GRIP2: variants seen among roughly 807,000 people sequenced by gnomAD.
GRIP2 encodes the protein glutamate receptor-interacting protein 2.
A neutral mutation model predicts 108.3 loss-of-function variants in GRIP2; 58 were observed. The observed-to-expected ratio is 0.54, with a 90% confidence interval of 0.43 to 0.67. GRIP2 has a LOEUF of 0.67. Ranked by LOEUF, GRIP2 falls within the 30% of genes least tolerant of loss-of-function variation. The pLI, the probability that GRIP2 is intolerant of heterozygous loss-of-function variation, is 0.00. For synonymous variants in GRIP2, 586 were observed against 598.2 expected (o/e 0.98, Z 0.30); for missense variants, 1,278 against 1,430.6 (o/e 0.89, Z 1.72).
the GRIP2 span, among the ~76,000 whole-genome samples, chr3:14,596,633 G>A: frequency 1.3e-5 from 2 of 152,304 alleles, no homozygotes; most frequent in South Asian, 4.1e-4. Context: ...GGGAGAGAAA[G>A]GTGATATATG....
upstream of GRIP2, among the ~76,000 whole-genome samples, chr3:14,544,250 T>C (rs1180562091): frequency 3.3e-5 from 5 of 152,100 alleles, no homozygotes; most frequent in South Asian, 4.1e-4. Flanking sequence ...GGGCCAGGCC[T>C]GCAGGTCCCT....
intron 1 of GRIP2, among the ~76,000 whole-genome samples, chr3:14,526,439 G>A (rs1694556416): frequency 2.0e-5 from 3 of 152,158 alleles, no homozygotes; most frequent in Admixed American, 2.0e-4. Flanking sequence ...TGACCGAGAC[G>A]AAACTCAATC....
chr3:14,501,881 T>C (rs1693776303), intron 21 of GRIP2, among the ~76,000 whole-genome samples: 1 of 151,994 alleles, frequency 6.6e-6, no homozygotes, highest in African/African-American at 2.4e-5. Flanking sequence ...GCTACAAGAA[T>C]ACAAATAAAA....
chr3:14,558,094 G>A (rs567469505), upstream of GRIP2, among the ~76,000 whole-genome samples: 6 of 152,338 alleles, frequency 3.9e-5, no homozygotes, highest in East Asian at 5.8e-4. Context: ...AATCTGATGC[G>A]TTCCATGAAC....
At chr3:14,572,839 C>A in the GRIP2 span, 13 of 1,091,244 alleles carry the variant, frequency 1.2e-5, no homozygotes, top group East Asian at 3.3e-4. Flanking sequence ...CCCTGGAGCC[C>A]GCAGCCAGCT....
chr3:14,517,177 T>C lies in GRIP2; in HGVS notation c.1193A>G (p.Asn398Ser). The C allele has an allele frequency of 6.2e-7, 1 of 1,603,864 alleles. No homozygotes were observed. The highest frequency in any genetic ancestry group is 8.5e-7 in the Non-Finnish European group (1 of 1,175,852). Reference protein sequence around the residue: ...SSTPFSSPTLNHAFSCNNPST... With the variant: ...SSTPFSSPTLSHAFSCNNPST... ...GGGGTTGTTGCAGGAAAAGGCGTGG[T>C]TCAAGGTCGGCGAGGAAAAGGGAGT... Residue 398 changes from asparagine to serine, a missense_variant, in exon 11 of 24, where the codon AAC becomes AGC. Physicochemically the swap from Asn to Ser is conservative, Grantham distance 46. Transcript: ENST00000621039.
intron 13 of GRIP2, 149 bp from the exon 14 acceptor site, chr3:14,513,006 A>C (rs1694142218): frequency 1.4e-6 from 1 of 697,754 alleles, no homozygotes; most frequent in Non-Finnish European, 2.5e-6. Flanking sequence ...ACAGAGGAGG[A>C]AACTGAGGCA....
rs1212202875 is a variant in GRIP2, at chr3:14,523,707, A to G, written c.404-9T>C. 6.3e-7 allele frequency: 1 copy of G among 1,598,422 alleles called. No homozygotes were observed. The highest frequency in any genetic ancestry group is 1.7e-5 in the Admixed American group (1 of 59,062). ...GGGGTTATTCTCAGGAGCTGGGGAGAAATGGAGGACTCCTTTGAGTCCCTC... is the reference window on the plus strand; with the variant it reads ...GGGGTTATTCTCAGGAGCTGGGGAGGAATGGAGGACTCCTTTGAGTCCCTC... On this transcript the variant is annotated splice_polypyrimidine_tract_variant and intron_variant, in intron 4 of 23. Coordinates refer to ENST00000621039, the MANE Select transcript of GRIP2 (RefSeq NM_001080423.4).
At chr3:14,596,742 C>A in the GRIP2 span, among the ~76,000 whole-genome samples, 1 of 151,950 alleles carries the variant, frequency 6.6e-6, no homozygotes, top group African/African-American at 2.4e-5. Flanking sequence ...TTAGGGAAGG[C>A]TTCTCTGAGG....
At chr3:14,544,534 A>G (rs1335657983), upstream of GRIP2, among the ~76,000 whole-genome samples, 1 of 152,156 alleles carries the variant, frequency 6.6e-6, no homozygotes, top group African/African-American at 2.4e-5. Context: ...GTCATAACAC[A>G]GGCGAGCCTT....
upstream of GRIP2, among the ~76,000 whole-genome samples, chr3:14,557,663 C>T (rs1234300316): frequency 6.6e-6 from 1 of 152,232 alleles, no homozygotes; most frequent in South Asian, 2.1e-4. Context: ...CTGAGGACAG[C>T]GTGAGGGCTG....
rs1442488155 is a variant in GRIP2 at position 14,517,087 on chromosome 3, C to T, written c.1283G>A (p.Arg428Gln). The change falls in exon 11 of 24, where the codon CGA becomes CAA. Residue 428 changes from arginine to glutamine, a missense_variant. By Grantham distance (43) the Arg-to-Gln change is conservative. Coordinates refer to ENST00000621039, the MANE Select transcript of GRIP2 (RefSeq NM_001080423.4). ...PRTTMGRRRQ[R>Q]RREHKSSLSL... is the part of the protein sequence containing the mutation. ...ACACGAGCTCTTGTGTTCCCTTCTT[C>T]GCTGCCTCCTCCGCCCCATTGTAGT... is the stretch of plus-strand genomic sequence containing the variant. 7.5e-6 allele frequency: 12 copies of T among 1,596,918 alleles called. No homozygotes were observed. The highest frequency in any genetic ancestry group is 1.3e-5 in the African/African-American group (1 of 74,104).
chr3:14,508,622 G>A (rs1011886622), intron 17 of GRIP2, among the ~76,000 whole-genome samples: 5 of 152,086 alleles, frequency 3.3e-5, no homozygotes, highest in South Asian at 4.2e-4. Flanking sequence ...GCTCCGGGAG[G>A]GGACCAGAGC....
At position 14,505,650 on chromosome 3, in the gene GRIP2, CTCT is replaced by C; in HGVS notation, c.2535_2537del (p.Glu850del). 2 of 1,609,958 alleles carry C rather than the reference CTCT, an allele frequency of 1.2e-6. No homozygotes were observed. The highest frequency in any genetic ancestry group is 1.7e-6 in the Non-Finnish European group (2 of 1,178,092). ...GCTCCCAATCATCCTCCTCCTCCTC[CTCT>C]GGAAAGCTCTCGTCAGCTGGGGTTG... On this transcript the variant is annotated inframe_deletion, in exon 20 of 24. Transcript: ENST00000621039. The surrounding 1 kb of genome is among the most constrained non-coding windows in gnomAD (Gnocchi z 4.2).
chr3:14,510,239 G>A (rs955075306), intron 16 of GRIP2, among the ~76,000 whole-genome samples: 2 of 150,476 alleles, frequency 1.3e-5, no homozygotes, highest in Non-Finnish European at 2.9e-5. Flanking sequence ...GGAAGCAAAG[G>A]GAACCCCGAT....
chr3:14,578,357 C>A, the GRIP2 span, among the ~76,000 whole-genome samples: 3 of 152,166 alleles, frequency 2.0e-5, no homozygotes, highest in Admixed American at 1.3e-4. Flanking sequence ...GGGATAATAT[C>A]ATGATTTATC....
the GRIP2 span, among the ~76,000 whole-genome samples, chr3:14,589,627 G>A: frequency 1.3e-5 from 2 of 152,080 alleles, no homozygotes; most frequent in African/African-American, 2.4e-5. Flanking sequence ...CTCTAGAATA[G>A]ATACTTGGAG....
upstream of GRIP2, chr3:14,556,101 A>G: frequency 2.5e-6 from 1 of 397,760 alleles, no homozygotes; most frequent in Non-Finnish European, 4.4e-6. Context: ...CGGAGTTGCT[A>G]AAATAGATAA....
rs757864762 is a variant in GRIP2 at position 14,513,817 on chromosome 3, C to T, written c.1494-7G>A. 1.2e-6 allele frequency: 2 copies of T among 1,611,550 alleles called. No individual in the cohort carries two copies. Among genetic ancestry groups the T allele is most frequent in the East Asian group, 2.2e-5 (1 of 44,838 alleles). ...CACCTGCAGCAGCCCACACCTGAACCCAGGGGGCCCGGCAGAGAGAAGAGG... is the reference window on the plus strand; with the variant it reads ...CACCTGCAGCAGCCCACACCTGAACTCAGGGGGCCCGGCAGAGAGAAGAGG... On this transcript the variant is annotated splice_region_variant and splice_polypyrimidine_tract_variant and intron_variant, in intron 12 of 23. Coordinates refer to ENST00000621039, the MANE Select transcript of GRIP2 (RefSeq NM_001080423.4).
Sources: allele counts gnomAD v4.1 joint callset (sites outside exome capture counted in the v4.1 genomes callset), GRCh38; gene constraint gnomAD v4.1.1; non-coding constraint Gnocchi (gnomAD v3.1); transcripts MANE v1.5; gene names NCBI Gene and HGNC (gene_info 2026-07-23, HGNC 2026-07-21).